The following CCNB1IP1 variants were observed in gnomAD, a reference collection of about 807,000 sequenced individuals.
CCNB1IP1 encodes the protein E3 ubiquitin-protein ligase CCNB1IP1.
A neutral mutation model predicts 25.6 loss-of-function variants in CCNB1IP1; 14 were observed. The ratio of observed to expected loss-of-function variants is 0.55; its 90% CI spans 0.36 to 0.85. CCNB1IP1 has a LOEUF of 0.85. CCNB1IP1 is among the 40% of genes least tolerant of loss of function. CCNB1IP1 has a pLI of 0.01. For missense variants in CCNB1IP1, 278 were observed against 342.4 expected (o/e 0.81, Z 1.48); for synonymous variants, 119 against 116.1 (o/e 1.02, Z -0.16).
chr14:20,315,090 C>CAAAA (rs546805664), intron 5 of CCNB1IP1, among the ~76,000 whole-genome samples: 1 of 24,336 alleles, frequency 4.1e-5, no homozygotes, highest in African/African-American at 1.9e-4. Context: ...GACTCCGTCT[C>CAAAA]AAAAAAAAAA....
intron 6 of CCNB1IP1, among the ~76,000 whole-genome samples, chr14:20,312,219 A>G (rs1485769352): frequency 6.6e-6 from 1 of 152,220 alleles, no homozygotes; most frequent in Non-Finnish European, 1.5e-5. Flanking sequence ...AAAATAAGAC[A>G]AATGTGGACA....
Position 20,329,247 on chromosome 14 carries a change from T to G in CCNB1IP1, c.-304A>C, listed in dbSNP as rs1293903118. 6.6e-6 allele frequency: 1 copy of G among 152,238 alleles called. No homozygotes were observed. Among genetic ancestry groups the G allele is most frequent in the Admixed American group, 6.5e-5 (1 of 15,282 alleles). 9.4% of individuals were successfully genotyped at this position (152,238 alleles called of 1,614,324 possible). The stretch of plus-strand genomic sequence containing the variant: ...ACCAGGCTTTAGGTACCATCAGCCT[T>G]TAACCCTTTCTGTTGAGAATATCCA... On this transcript the variant is annotated 5_prime_UTR_variant, in exon 2 of 7. The change abolishes the stop of an existing upstream ORF in the 5' untranslated region. Coordinates refer to ENST00000358932, the MANE Select transcript of CCNB1IP1 (RefSeq NM_021178.5).
chr14:20,332,005 C>CATATATATATATATATGATGTGTAT (rs1883251359), intron 1 of CCNB1IP1, among the ~76,000 whole-genome samples: 9 of 66,580 alleles, frequency 1.4e-4, no homozygotes, highest in African/African-American at 7.4e-4. Context: ...GATGTGTATA[C>CATATATATATATATATGATGTGTAT]ATATATATAT....
At chr14:20,316,756 C>T (rs1428083427) in intron 4 of CCNB1IP1, among the ~76,000 whole-genome samples, 196 bp from the exon 5 acceptor site, 2 of 152,152 alleles carry the variant, frequency 1.3e-5, no homozygotes, top group African/African-American at 4.8e-5. Context: ...TTTCTAAAAA[C>T]GCTTTAAGGA....
intron 1 of CCNB1IP1, among the ~76,000 whole-genome samples, chr14:20,329,966 T>A (rs1397052699): frequency 6.6e-6 from 1 of 152,114 alleles, no homozygotes; most frequent in African/African-American, 2.4e-5. Flanking sequence ...AAGACTGAGG[T>A]AATAAATACA....
chr14:20,318,473 T>TG (rs1239497647), intron 4 of CCNB1IP1: 1 of 104,026 alleles, frequency 9.6e-6, no homozygotes, highest in African/African-American at 4.6e-5. Flanking sequence ...CCCTCCGTCT[T>TG]TAAAAAAAAA....
At chr14:20,323,881 G>C (rs1882978360) in intron 4 of CCNB1IP1, among the ~76,000 whole-genome samples, 2 of 133,154 alleles carry the variant, frequency 1.5e-5, no homozygotes, top group Admixed American at 1.7e-4. Context: ...TCGTGCCACT[G>C]CACTCCAGCC....
chr14:20,328,025 T>C lies in CCNB1IP1; in HGVS notation c.-231+1149A>G, dbSNP rs188748587. Among the ~76,000 whole-genome samples the C allele has an allele frequency of 1.3e-4, 20 of 152,336 alleles. 1 individual carries two copies. Among genetic ancestry groups the C allele is most frequent in the Admixed American group, 6.5e-4 (10 of 15,298 alleles). On this transcript the variant is annotated intron_variant, in intron 2 of 6. Coordinates refer to ENST00000358932, the MANE Select transcript of CCNB1IP1 (RefSeq NM_021178.5). The stretch of plus-strand genomic sequence containing the variant: ...ATTTCCATCATAACAGAAGGCTCCA[T>C]TGGACATCAGTGCCTTTAAGAATGG...
At chr14:20,326,291 T>C (rs1235052308) in intron 3 of CCNB1IP1, among the ~76,000 whole-genome samples, 2 of 152,240 alleles carry the variant, frequency 1.3e-5, no homozygotes, top group Non-Finnish European at 2.9e-5. Context: ...AAGTGATTTT[T>C]TGGGGATATA....
intron 6 of CCNB1IP1, among the ~76,000 whole-genome samples, chr14:20,312,139 G>C (rs1270569675): frequency 6.6e-6 from 1 of 152,148 alleles, no homozygotes; most frequent in Non-Finnish European, 1.5e-5. Flanking sequence ...CAAGCTAACA[G>C]TGGCAGCAGG....
chr14:20,318,734 G>T (rs1882798388), intron 4 of CCNB1IP1, among the ~76,000 whole-genome samples: 1 of 152,166 alleles, frequency 6.6e-6, no homozygotes, highest in South Asian at 2.1e-4. Flanking sequence ...AGGAAAGCTA[G>T]ACGGGTCCTC....
intron 5 of CCNB1IP1, among the ~76,000 whole-genome samples, chr14:20,314,951 C>A (rs1051765900): frequency 6.6e-6 from 1 of 150,392 alleles, no homozygotes; most frequent in Non-Finnish European, 1.5e-5. Context: ...ATTAGCCGGG[C>A]GTGGTGGCGG....
chr14:20,319,167 G>A (rs1882813630), intron 4 of CCNB1IP1: 1 of 152,212 alleles, frequency 6.6e-6, no homozygotes, highest in Admixed American at 6.5e-5. Context: ...GCAAACCCCT[G>A]AGTAGTGCCA....
At chr14:20,312,966 A>G (rs541071459) in intron 6 of CCNB1IP1, among the ~76,000 whole-genome samples, 5 of 152,320 alleles carry the variant, frequency 3.3e-5, no homozygotes, top group African/African-American at 1.2e-4. Context: ...AAAAATTGAA[A>G]CATGGCCTTC....
chr14:20,327,079 CA>C (rs995109208), intron 2 of CCNB1IP1, among the ~76,000 whole-genome samples: 2 of 151,240 alleles, frequency 1.3e-5, no homozygotes, highest in African/African-American at 4.9e-5. Context: ...CCGTCTCGAA[CA>C]AAACAAAAAA....
chr14:20,312,234 CA>C lies in CCNB1IP1; in HGVS notation c.632-483del, dbSNP rs1882517431. Among the ~76,000 whole-genome samples, 4 of 152,026 alleles carry C rather than the reference CA, an allele frequency of 2.6e-5. No individual in the cohort carries two copies. The South Asian group carries it at 8.3e-4, about 32-fold the overall frequency. On this transcript the variant is annotated intron_variant, in intron 6 of 6. Transcript: ENST00000358932. ...AAAATAAGACAAATGTGGACAGTGA[CA>C]AAAAAATAAGTATATCTATAATGCC...
At chr14:20,322,622 A>AATT (rs1566403111) in intron 4 of CCNB1IP1, among the ~76,000 whole-genome samples, 1 of 142,676 alleles carries the variant, frequency 7.0e-6, no homozygotes. Flanking sequence ...TATATATATA[A>AATT]TTTTTTTTTT....
intron 5 of CCNB1IP1, 77 bp from the exon 6 acceptor site, chr14:20,313,878 A>C (rs929934862): frequency 7.6e-5 from 85 of 1,112,586 alleles, no homozygotes; most frequent in Non-Finnish European, 1.0e-4. Flanking sequence ...CAAACACAAA[A>C]GGAAAAGAAA....
intron 4 of CCNB1IP1, among the ~76,000 whole-genome samples, chr14:20,325,000 A>G (rs1382029043): frequency 6.6e-6 from 1 of 151,970 alleles, no homozygotes; most frequent in Non-Finnish European, 1.5e-5. Context: ...TTTAGTAGAG[A>G]TGGGGTTTTG....
Sources: gnomAD v4.1 joint callset for allele counts (sites outside exome capture counted in the v4.1 genomes callset) on GRCh38, gnomAD v4.1.1 for gene constraint, MANE v1.5 for transcripts, NCBI Gene and HGNC (gene_info 2026-07-23, HGNC 2026-07-21) for gene names.